STAT6: variants seen among roughly 807,000 people sequenced by gnomAD.
STAT6 encodes the protein STAT, interleukin4-induced.
In STAT6, 45 loss-of-function variants were observed where a neutral mutation model predicts 106.3. That is an observed-to-expected ratio of 0.42 (90% CI 0.33 to 0.54). The LOEUF is 0.54. Ranked by LOEUF, STAT6 falls within the 20% of genes least tolerant of loss-of-function variation. The pLI, the probability that STAT6 is intolerant of heterozygous loss-of-function variation, is 0.06. For synonymous variants in STAT6, 413 were observed against 413.6 expected, an observed-to-expected ratio of 1.00 and a Z score of 0.02; for missense variants, 797 against 1,062.2, an observed-to-expected ratio of 0.75 and a Z score of 3.47.
intron 9 of STAT6, 124 bp downstream of exon 9, chr12:57,105,027 A>C (rs1052117731): frequency 1.5e-6 from 2 of 1,316,218 alleles, no homozygotes; most frequent in Admixed American, 2.2e-5. Context: ...TGCCTTGACC[A>C]TTCAGGGTCT....
rs1451677600 is a variant in STAT6, at chr12:57,099,402, T to C, written c.1783A>G (p.Lys595Glu). Residue 595 changes from lysine (K) to glutamate (E), a missense_variant, in exon 16 of 22, where the codon AAA (lysine) becomes GAA (glutamate). Transcript: ENST00000300134. This position sits in a 1 kb window ranked among gnomAD's most constrained non-coding sequence, Gnocchi z 4.7. Reference sequence around the variant, plus strand: ...CCCAGTGAGCGAATGGACAGGTCTTTGGCAGAGAATGGCTGGATGTTCTCT... The same window carrying C: ...CCCAGTGAGCGAATGGACAGGTCTTCGGCAGAGAATGGCTGGATGTTCTCT... ...QIENIQPFSA[K>E]DLSIRSLGDR... The C allele has an allele frequency of 6.2e-7, 1 of 1,614,172 alleles. No individual in the cohort carries two copies. Among genetic ancestry groups the C allele is most frequent in the Non-Finnish European group, 8.5e-7 (1 of 1,180,016 alleles).
chr12:57,104,671 A>G (rs998766800), intron 10 of STAT6, 55 bp downstream of exon 10: 1 of 1,613,652 alleles, frequency 6.2e-7, no homozygotes, highest in Non-Finnish European at 8.5e-7. Context: ...CTCTCCAAGG[A>G]GAGTCCCACA....
In STAT6 at chr12:57,096,283, G is replaced by A; in HGVS notation, c.*289C>T. 1 of 409,096 alleles carries A rather than the reference G, an allele frequency of 2.4e-6. No homozygotes were observed. The highest frequency in any genetic ancestry group is 3.4e-5 in the South Asian group (1 of 29,376). 25.3% of individuals were successfully genotyped at this position (409,096 alleles called of 1,614,324 possible). A position where few individuals can be genotyped will look rare whatever the true frequency, so the allele number is the denominator to read the frequency against. ...GAGAGCTCTGTATGTGTGTGTGCGT[G>A]CGTGTGCGCGCTGCAGGTGCAGGCA... On this transcript the variant is annotated 3_prime_UTR_variant, in exon 22 of 22. Transcript: ENST00000300134.
Position 57,108,242 on chromosome 12 carries a change from C to T in STAT6, c.37G>A (p.Glu13Lys). Residue 13 changes from glutamate to lysine, a missense_variant, in exon 2 of 22, where the codon GAA becomes AAA. By Grantham distance (56) the Glu-to-Lys change is moderately conservative. This residue lies in a region of STAT6 where 336 missense variants were observed against 429.8 expected (regional missense o/e 0.78). Transcript: ENST00000300134. ...LWGLVSKMPP[E>K]KVQRLYVDFP... ...TCGACATAGAGCCGCTGCACTTTTTCTGGGGGCATCTTGGAGACCAGACCC... is the reference window on the plus strand; with the variant it reads ...TCGACATAGAGCCGCTGCACTTTTTTTGGGGGCATCTTGGAGACCAGACCC... 1 of 1,612,628 alleles carries T rather than the reference C, an allele frequency of 6.2e-7. No individual in the cohort carries two copies.
At chr12:57,105,426 C>A (rs368772883) in intron 8 of STAT6, 42 bp downstream of exon 8, 2 of 1,610,080 alleles carry the variant, frequency 1.2e-6, no homozygotes, top group South Asian at 1.1e-5. Context: ...CTTTTCTTCC[C>A]GAGGTCTGTT....
chr12:57,107,638 C>G lies in STAT6; in HGVS notation c.222G>C (p.Gly74=), dbSNP rs777135041. ...LQASVGEQGE[G]STILQHISTL... ...TGCTGATGTGTTGCAAGATGGTGCT[C>G]CCCTCCCCCTGCTCTCCCACCGAGG... is the stretch of plus-strand genomic sequence containing the variant. Residue 74 remains glycine, a synonymous_variant, in exon 3 of 22, where the codon GGG becomes GGC. Transcript: ENST00000300134. The G allele has an allele frequency of 8.7e-6, 14 of 1,613,716 alleles. No individual in the cohort carries two copies. The African/African-American group carries it at 1.7e-4, about 20-fold the overall frequency.
chr12:57,097,686 G>A (rs1250649543), intron 19 of STAT6, among the ~76,000 whole-genome samples: 1 of 152,206 alleles, frequency 6.6e-6, no homozygotes, highest in African/African-American at 2.4e-5. Context: ...CGCTTTGGGA[G>A]GCCGAGGTGG....
chr12:57,096,674 C>G lies in STAT6; in HGVS notation c.2442G>C (p.Gly814=), dbSNP rs775824580. ...KLLLEGQGES[G]GGSLGAQPLL... ...GGGGCTGTGCCCCCAAGGACCCTCC[C>G]CCCGACTCCCCTTGCCCCTCCAGGA... Residue 814 remains glycine, a synonymous_variant, in exon 22 of 22, where the codon GGG becomes GGC. Coordinates refer to ENST00000300134, the MANE Select transcript of STAT6 (RefSeq NM_003153.5). The G allele has an allele frequency of 6.2e-7, 1 of 1,606,154 alleles. No homozygotes were observed. The highest frequency in any genetic ancestry group is 2.2e-5 in the East Asian group (1 of 44,826).
rs113598737 is a variant in STAT6 at position 57,105,467 on chromosome 12, C to A, written c.812+1G>T. The A allele has an allele frequency of 6.2e-7, 1 of 1,614,018 alleles. No individual in the cohort carries two copies. Among genetic ancestry groups the A allele is most frequent in the Non-Finnish European group, 8.5e-7 (1 of 1,179,940 alleles). On this transcript the variant is annotated splice_donor_variant, in intron 8 of 21. Coordinates refer to ENST00000300134, the MANE Select transcript of STAT6 (RefSeq NM_003153.5). LOFTEE classifies it high-confidence loss of function. Reference sequence around the variant, plus strand: ...CCAGACTGGGAGCTCCCGGGGAATACCTGGTGACGAGGGTTCTCAGGACTT... The same window carrying A: ...CCAGACTGGGAGCTCCCGGGGAATAACTGGTGACGAGGGTTCTCAGGACTT...
chr12:57,107,162 T>C (rs1285965540), intron 4 of STAT6, 69 bp downstream of exon 4: 1 of 1,500,122 alleles, frequency 6.7e-7, no homozygotes, highest in Non-Finnish European at 9.3e-7. Context: ...AAATTCTTTC[T>C]AGTTTGTCAT....
intron 1 of STAT6, chr12:57,110,119 AGAGAGAAAGGTCCTCTGGAGT>A (rs1441235165): frequency 6.6e-6 from 1 of 152,190 alleles, no homozygotes; most frequent in Non-Finnish European, 1.5e-5. Flanking sequence ...CTCTAGCCCA[AGAGAGAAAGGTCCTCTGGAGT>A]GAGTGGGCAC....
At chr12:57,097,236 C>G (rs1308316842) in intron 19 of STAT6, 103 bp from the exon 20 acceptor site, 1 of 950,180 alleles carries the variant, frequency 1.1e-6, no homozygotes, top group Non-Finnish European at 1.5e-6. Context: ...AGCTCCTTAT[C>G]CTGACTTAGT....
At chr12:57,110,027 T>A (rs2034489763) in intron 1 of STAT6, 1 of 152,322 alleles carries the variant, frequency 6.6e-6, no homozygotes, top group Non-Finnish European at 1.5e-5. Flanking sequence ...CCCTCTTTCC[T>A]CCAGTGCCCA....
chr12:57,102,964 C>T (rs776061066), intron 11 of STAT6, 43 bp from the exon 12 acceptor site: 3 of 279,914 alleles, frequency 1.1e-5, no homozygotes, highest in Non-Finnish European at 1.7e-5. Flanking sequence ...TTCTTTCTTT[C>T]CTTTTTTTTT....
chr12:57,097,569 T>C (rs1236423770), intron 19 of STAT6, among the ~76,000 whole-genome samples: 1 of 152,084 alleles, frequency 6.6e-6, no homozygotes, highest in African/African-American at 2.4e-5. Context: ...AAAATAATAA[T>C]AACAGTCATG....
Position 57,104,784 on chromosome 12 carries a change from G to A in STAT6, c.1031C>T (p.Thr344Ile). Residue 344 changes from threonine to isoleucine, a missense_variant, in exon 10 of 22, where the codon ACT becomes ATT. Thr to Ile is a moderately conservative substitution (Grantham distance 89). Coordinates refer to ENST00000300134, the MANE Select transcript of STAT6 (RefSeq NM_003153.5). ...AESTGEIINN[T>I]VPLENSIPGN... ...AGGAATGCTGTTCTCCAAGGGCACA[G>A]TGTTGTTGATGATTTCTCCAGTGCT... 1 of 1,614,174 alleles carries A rather than the reference G, an allele frequency of 6.2e-7. No homozygotes were observed. Among genetic ancestry groups the A allele is most frequent in the Non-Finnish European group, 8.5e-7 (1 of 1,180,022 alleles).
chr12:57,105,366 G>A (rs1340094089), intron 8 of STAT6, 27 bp from the exon 9 acceptor site: 3 of 1,611,766 alleles, frequency 1.9e-6, no homozygotes, highest in Non-Finnish European at 2.5e-6. Flanking sequence ...CACAAGGGGA[G>A]TTGGGGGCTA....
chr12:57,098,424 C>G, intron 19 of STAT6, 81 bp downstream of exon 19: 1 of 1,371,946 alleles, frequency 7.3e-7, no homozygotes, highest in Non-Finnish European at 1.0e-6. Flanking sequence ...CTGCTCCTTT[C>G]TCACAGAAGA....
chr12:57,107,180 G>C (rs1282689193), intron 4 of STAT6, 51 bp downstream of exon 4: 2 of 1,568,690 alleles, frequency 1.3e-6, no homozygotes, highest in South Asian at 2.2e-5. Flanking sequence ...CATGGCTCAG[G>C]CCAAAGTCTC....
Sources: allele counts gnomAD v4.1 joint callset (sites outside exome capture counted in the v4.1 genomes callset), GRCh38; gene constraint gnomAD v4.1.1; regional missense constraint gnomAD v4.1.1; non-coding constraint Gnocchi (gnomAD v3.1); transcripts MANE v1.5; gene names NCBI Gene and HGNC (gene_info 2026-07-23, HGNC 2026-07-21).